Variants in SEC24A observed in about 807,000 individuals in gnomAD.
SEC24A encodes protein transport protein Sec24A.
A neutral mutation model predicts 129.4 loss-of-function variants in SEC24A; 93 were observed. The observed-to-expected ratio is 0.72, with a 90% CI of 0.61 to 0.85. The LOEUF is 0.85. Ranked by LOEUF, SEC24A falls within the 40% of genes least tolerant of loss-of-function variation. The pLI is 0.00. For synonymous variants in SEC24A, 460 were observed against 467.3 expected, an observed-to-expected ratio of 0.98 and a Z score of 0.20; for missense variants, 1,264 against 1,307.4, an observed-to-expected ratio of 0.97 and a Z score of 0.51.
chr5:134,656,316 G>A (rs1424891578), intron 1 of SEC24A, among the ~76,000 whole-genome samples: 3 of 151,992 alleles, frequency 2.0e-5, no homozygotes, highest in African/African-American at 7.2e-5. Flanking sequence ...CTGACCTCAT[G>A]ATCTGCCCGC....
chr5:134,725,056 G>T lies in SEC24A; in HGVS notation c.3244G>T (p.Glu1082Ter). The T allele has an allele frequency of 6.3e-7, 1 of 1,596,096 alleles. No individual in the cohort carries two copies. Among genetic ancestry groups the T allele is most frequent in the Non-Finnish European group, 8.6e-7 (1 of 1,165,146 alleles). Residue 1082 changes from glutamate to a stop codon, truncating the protein, a stop_gained, in exon 23 of 23, where the codon GAA becomes TAA. Coordinates refer to ENST00000398844, the MANE Select transcript of SEC24A (RefSeq NM_021982.3). LOFTEE classifies it high-confidence loss of function. ...AACAGAATCTGCATTATCATATTAT[G>T]AATTCCTGTTGCATATACAGCAACA... Reference protein sequence around the residue: ...DRTESALSYYEFLLHIQQQVN... With the variant: ...DRTESALSYY
intron 7 of SEC24A, among the ~76,000 whole-genome samples, chr5:134,677,539 TA>T (rs549447862): frequency 1.0e-3 from 146 of 141,112 alleles, no homozygotes; most frequent in Middle Eastern, 3.6e-3. Context: ...ATCCTTATCT[TA>T]AAAAAAAAAA....
intron 14 of SEC24A, 83 bp downstream of exon 14, chr5:134,697,329 A>ACTATC: frequency 8.6e-7 from 1 of 1,160,282 alleles, no homozygotes; most frequent in Non-Finnish European, 1.2e-6. Flanking sequence ...AATATAGAAC[A>ACTATC]AAGTTAAAGA....
At chr5:134,651,119 G>A (rs1179885421) in intron 1 of SEC24A, among the ~76,000 whole-genome samples, 5 of 140,496 alleles carry the variant, frequency 3.6e-5, no homozygotes, top group Admixed American at 2.2e-4. Flanking sequence ...TTTTGAGACA[G>A]GATCTTACTT....
chr5:134,680,611 G>A (rs143849866), intron 8 of SEC24A, among the ~76,000 whole-genome samples: 2 of 152,016 alleles, frequency 1.3e-5, no homozygotes, highest in African/African-American at 2.4e-5. Context: ...GGGATTAACA[G>A]GCATGAGCCA....
At chr5:134,664,106 T>C (rs1317439558) in intron 2 of SEC24A, among the ~76,000 whole-genome samples, 1 of 149,418 alleles carries the variant, frequency 6.7e-6, no homozygotes, top group East Asian at 2.0e-4. Context: ...CAAGACTCCA[T>C]CTCAAAAAAA....
chr5:134,693,377 AC>A (rs1473503102), intron 12 of SEC24A: 53 of 1,360,334 alleles, frequency 3.9e-5, no homozygotes, highest in Non-Finnish European at 5.0e-5. Context: ...TTTGGAACTT[AC>A]AAGAATAAAG....
intron 17 of SEC24A, among the ~76,000 whole-genome samples, chr5:134,706,133 C>T (rs1009406720): frequency 3.3e-5 from 5 of 152,252 alleles, no homozygotes; most frequent in Middle Eastern, 3.4e-3. Flanking sequence ...GTAATCCACC[C>T]GCTTTGGCCT....
intron 3 of SEC24A, 55 bp from the exon 4 acceptor site, chr5:134,671,754 C>T (rs1580695183): frequency 9.4e-7 from 1 of 1,068,810 alleles, no homozygotes; most frequent in Non-Finnish European, 1.4e-6. Context: ...TAAAATCATA[C>T]AGAGATTGTA....
chr5:134,721,423 C>T lies in SEC24A; in HGVS notation c.3063+333C>T, dbSNP rs141072518. On this transcript the variant is annotated intron_variant, in intron 21 of 22. Coordinates refer to ENST00000398844, the MANE Select transcript of SEC24A (RefSeq NM_021982.3). ...ACTAAAAATACAAAAATTAGTTGGG[C>T]GTGGTGGCGCACACCTGTAGTCCCA... is the stretch of plus-strand genomic sequence containing the variant. Among the ~76,000 whole-genome samples, 1,429 of 150,696 alleles carry T rather than the reference C, an allele frequency of 9.5e-3. 9 individuals carry two copies. The highest frequency in any genetic ancestry group is 0.045 in the East Asian group (234 of 5,162).
At chr5:134,669,071 C>CA (rs904919532) in intron 3 of SEC24A, among the ~76,000 whole-genome samples, 38 of 147,270 alleles carry the variant, frequency 2.6e-4, no homozygotes, top group Non-Finnish European at 4.2e-4. Context: ...GACTCAGTCT[C>CA]AAAAAAAAGA....
intron 1 of SEC24A, among the ~76,000 whole-genome samples, chr5:134,652,173 C>T (rs779436585): frequency 6.6e-6 from 1 of 151,814 alleles, no homozygotes; most frequent in Non-Finnish European, 1.5e-5. Flanking sequence ...CCGCCCGCGT[C>T]GGCCTCCCAA....
chr5:134,723,526 T>A, intron 21 of SEC24A, 41 bp from the exon 22 acceptor site: 1 of 1,173,846 alleles, frequency 8.5e-7, no homozygotes, highest in Non-Finnish European at 1.3e-6. Flanking sequence ...ACATTAGATA[T>A]GTAATTAAAG....
intron 15 of SEC24A, among the ~76,000 whole-genome samples, chr5:134,700,690 T>C (rs1751979165): frequency 6.6e-6 from 1 of 151,606 alleles, no homozygotes. Context: ...TTATTAATTC[T>C]AATAGTTTTT....
At chr5:134,692,704 G>A in intron 12 of SEC24A, 47 bp downstream of exon 12, 1 of 1,087,952 alleles carries the variant, frequency 9.2e-7, no homozygotes, top group South Asian at 1.3e-5. Context: ...AATATTGAAG[G>A]AATATGTTTT....
At chr5:134,697,284 G>T (rs1244721454) in intron 14 of SEC24A, 38 bp downstream of exon 14, 1 of 1,532,522 alleles carries the variant, frequency 6.5e-7, no homozygotes, top group South Asian at 1.2e-5. Context: ...TCCGTTAAAT[G>T]AATATCAAAA....
At chr5:134,709,736 A>G (rs1752265141) in intron 18 of SEC24A, among the ~76,000 whole-genome samples, 1 of 152,210 alleles carries the variant, frequency 6.6e-6, no homozygotes, top group South Asian at 2.1e-4. Flanking sequence ...CACATTGTAT[A>G]CTATATCATA....
At chr5:134,722,814 A>T (rs2150115408) in intron 21 of SEC24A, among the ~76,000 whole-genome samples, 1 of 152,222 alleles carries the variant, frequency 6.6e-6, no homozygotes, top group East Asian at 1.9e-4. Context: ...GACCTCCTAA[A>T]TCATTATCTG....
chr5:134,697,077 A>C (rs777814614), intron 13 of SEC24A, 49 bp from the exon 14 acceptor site: 1 of 1,119,172 alleles, frequency 8.9e-7, no homozygotes, highest in South Asian at 1.7e-5. Context: ...AGATTTTATG[A>C]CAATGTAATG....
Sources: allele counts gnomAD v4.1 joint callset (sites outside exome capture counted in the v4.1 genomes callset), GRCh38; gene constraint gnomAD v4.1.1; transcripts MANE v1.5; gene names NCBI Gene and HGNC (gene_info 2026-07-23, HGNC 2026-07-21).